MYO10: variants seen among roughly 807,000 people sequenced by gnomAD.
The protein encoded by MYO10 is unconventional myosin-X.
MYO10 carries 133 observed loss-of-function variants against 257.3 expected under a neutral mutation model. That is an observed-to-expected ratio of 0.52 (90% CI 0.45 to 0.60). The LOEUF (loss-of-function observed/expected upper bound fraction) is 0.60, where lower values mean the gene tolerates loss of function less well. Ranked by LOEUF, MYO10 falls within the 20% of genes least tolerant of loss-of-function variation. MYO10 has a pLI of 0.00. For synonymous variants in MYO10, 1,104 were observed against 1,028.6 expected (o/e 1.07, Z -1.40); for missense variants, 2,399 against 2,635.7 (o/e 0.91, Z 1.97).
intron 3 of MYO10, among the ~76,000 whole-genome samples, chr5:16,800,499 G>GTGTA (rs1461656178): frequency 6.6e-6 from 1 of 152,184 alleles, no homozygotes; most frequent in Non-Finnish European, 1.5e-5. Context: ...AGCTTCTGAA[G>GTGTA]GGTACAGCAT....
intron 27 of MYO10, among the ~76,000 whole-genome samples, chr5:16,692,335 G>T (rs1317186945): frequency 6.6e-6 from 1 of 151,936 alleles, no homozygotes; most frequent in Admixed American, 6.6e-5. Flanking sequence ...CAGGAGAATC[G>T]CTTGAACCAG....
intron 19 of MYO10, among the ~76,000 whole-genome samples, chr5:16,723,175 G>C (rs994121807): frequency 1.3e-5 from 2 of 152,104 alleles, no homozygotes; most frequent in Admixed American, 1.3e-4. Context: ...ATGAGGTCAG[G>C]AGATCGAGAC....
intron 1 of MYO10, among the ~76,000 whole-genome samples, chr5:16,882,014 TA>T (rs770047861): frequency 2.0e-5 from 3 of 152,224 alleles, no homozygotes; most frequent in Non-Finnish European, 2.9e-5. Context: ...CACATTTTAT[TA>T]AAACGTGGAC....
chr5:16,826,596 G>A (rs746721341), intron 2 of MYO10, among the ~76,000 whole-genome samples: 4 of 152,188 alleles, frequency 2.6e-5, no homozygotes, highest in Non-Finnish European at 4.4e-5. Context: ...GAAGGAGCGG[G>A]CAAAGGGAGG....
intron 19 of MYO10, chr5:16,741,716 G>A (rs550831607): frequency 3.5e-6 from 3 of 858,660 alleles, no homozygotes; most frequent in Non-Finnish European, 4.2e-6. Context: ...TCTGTTCCCC[G>A]TGTATGATCT....
intron 1 of MYO10, among the ~76,000 whole-genome samples, chr5:16,921,338 A>G (rs1745974924): frequency 6.6e-6 from 1 of 152,186 alleles, no homozygotes; most frequent in African/African-American, 2.4e-5. Context: ...CTCTAGGGAA[A>G]GGAACTAAAA....
chr5:16,905,329 C>T (rs1745492097), intron 1 of MYO10, among the ~76,000 whole-genome samples: 1 of 152,216 alleles, frequency 6.6e-6, no homozygotes, highest in African/African-American at 2.4e-5. Context: ...CGGAGGACAA[C>T]AATCTCCCTC....
intron 3 of MYO10, among the ~76,000 whole-genome samples, chr5:16,804,045 G>A (rs1463134408): frequency 6.6e-6 from 1 of 152,190 alleles, no homozygotes; most frequent in Non-Finnish European, 1.5e-5. Flanking sequence ...CGGAGCCCGT[G>A]AGTCAGAGTG....
rs187266080 is a variant in MYO10 at position 16,834,950 on chromosome 5, C to T, written c.121-16783G>A. Among the ~76,000 whole-genome samples, 52 of 152,218 alleles carry T rather than the reference C, an allele frequency of 3.4e-4. 1 individual carries two copies. In the East Asian group the frequency reaches 6.6e-3, roughly 19 times the overall value. On this transcript the variant is annotated intron_variant, in intron 2 of 40. Transcript: ENST00000513610. ...CAACACTTTGGGAGGCCGAGGCAGG[C>T]GGATCATGAGGTCAGGAGTTAAAGA...
rs1160383006 is a variant in MYO10 at position 16,670,810 on chromosome 5, A to T, written c.5599T>A (p.Ser1867Thr). The T allele has an allele frequency of 1.2e-6, 2 of 1,613,840 alleles. No individual in the cohort carries two copies. The highest frequency in any genetic ancestry group is 1.7e-5 in the Admixed American group (1 of 60,004). ...TCACAAGGGGTGAAGGTTTTGGTTG[A>T]CTGGCTGATGCGGGCCTTGAGTCTC... ...LQRLKARISQ[S>T]TKTFTPCERL... Residue 1867 changes from serine (S) to threonine (T), a missense_variant, in exon 39 of 41, where the codon TCA becomes ACA. Transcript: ENST00000513610.
chr5:16,827,484 A>G (rs1240240483), intron 2 of MYO10, among the ~76,000 whole-genome samples: 1 of 152,060 alleles, frequency 6.6e-6, no homozygotes, highest in African/African-American at 2.4e-5. Flanking sequence ...ATGCGGTTTC[A>G]CCATGATGGC....
At position 16,662,024 on chromosome 5, in the gene MYO10, A is replaced by C. The variant is rs991877423; in HGVS notation, c.*4668T>G. On this transcript the variant is annotated 3_prime_UTR_variant, in exon 41 of 41. Coordinates refer to ENST00000513610, the MANE Select transcript of MYO10 (RefSeq NM_012334.3). ...CATACTTTGAAAACAGCAATGCCAA[A>C]CCTTGAATCCAGGTCCGATATTTTC... 1.3e-5 allele frequency: 2 copies of C among 152,182 alleles called. No individual in the cohort carries two copies. Among genetic ancestry groups the C allele is most frequent in the Non-Finnish European group, 2.9e-5 (2 of 68,044 alleles). 9.4% of individuals were successfully genotyped at this position (152,182 alleles called of 1,614,324 possible).
chr5:16,822,532 T>G (rs1485270078), intron 2 of MYO10, among the ~76,000 whole-genome samples: 1 of 152,104 alleles, frequency 6.6e-6, no homozygotes, highest in African/African-American at 2.4e-5. Context: ...TTACATCAGG[T>G]ATTCAGGGGC....
At position 16,675,057 on chromosome 5, in the gene MYO10, G is replaced by A; in HGVS notation, c.4760C>T (p.Pro1587Leu). 6.2e-7 allele frequency: 1 copy of A among 1,613,948 alleles called. No individual in the cohort carries two copies. ...TGTCTGTAGGATGCCCTGGATTATTGGAATTGGGTCAGACATGGACTCCAG... is the reference window on the plus strand; with the variant it reads ...TGTCTGTAGGATGCCCTGGATTATTAGAATTGGGTCAGACATGGACTCCAG... ...QQLESMSDPI[P>L]IIQGILQTGH... Residue 1587 changes from proline to leucine, a missense_variant, in exon 35 of 41, where the codon CCA (proline) becomes CTA (leucine). Pro to Leu is a moderately conservative substitution (Grantham distance 98, BLOSUM62 -3). Coordinates refer to ENST00000513610, the MANE Select transcript of MYO10 (RefSeq NM_012334.3).
chr5:16,820,141 T>G (rs1742754210), intron 2 of MYO10, among the ~76,000 whole-genome samples: 1 of 152,136 alleles, frequency 6.6e-6, no homozygotes, highest in South Asian at 2.1e-4. Flanking sequence ...CATTCAAGAG[T>G]GAAGAAACAT....
At chr5:16,744,054 C>T (rs998289411) in intron 19 of MYO10, among the ~76,000 whole-genome samples, 1 of 152,056 alleles carries the variant, frequency 6.6e-6, no homozygotes, top group African/African-American at 2.4e-5. Flanking sequence ...ATGTCCATCC[C>T]GTGACAATGC....
In MYO10 at chr5:16,712,614, G is replaced by A. The variant is rs114318079; in HGVS notation, c.1930-1369C>T. Among the ~76,000 whole-genome samples the A allele has an allele frequency of 7.1e-3, 1,078 of 152,310 alleles. 4 individuals carry two copies. Among genetic ancestry groups the A allele is most frequent in the South Asian group, 0.013 (61 of 4,820 alleles). ...TTAACACAGAATTAGGCATAAAGCC[G>A]TGTTATTCTGCAAGCTTTCAAAATT... is the stretch of plus-strand genomic sequence containing the variant. On this transcript the variant is annotated intron_variant, in intron 19 of 40. Transcript: ENST00000513610.
chr5:16,768,908 T>C lies in MYO10; in HGVS notation c.1060+166A>G, dbSNP rs1348314449. ...CCAGGCTGGTCTCGAACTCCTGGGC[T>C]CAAGCAATCTGCCCGCCTCCACCTC... is the stretch of plus-strand genomic sequence containing the variant. On this transcript the variant is annotated intron_variant, in intron 10 of 40. Coordinates refer to ENST00000513610, the MANE Select transcript of MYO10 (RefSeq NM_012334.3). 2.0e-5 allele frequency among the ~76,000 whole-genome samples: 3 copies of C among 151,984 alleles called. No individual in the cohort carries two copies. In the East Asian group the frequency reaches 5.8e-4, roughly 29 times the overall value.
At chr5:16,685,520 T>G (rs1283532597) in intron 29 of MYO10, among the ~76,000 whole-genome samples, 1 of 152,178 alleles carries the variant, frequency 6.6e-6, no homozygotes, top group African/African-American at 2.4e-5. Context: ...CTTAATTTAC[T>G]GTATTTATTA....
Sources: allele counts gnomAD v4.1 joint callset (sites outside exome capture counted in the v4.1 genomes callset), GRCh38; gene constraint gnomAD v4.1.1; transcripts MANE v1.5; gene names NCBI Gene and HGNC (gene_info 2026-07-23, HGNC 2026-07-21).